CREG1: variants seen among roughly 807,000 people sequenced by gnomAD.
The protein encoded by CREG1 is cellular repressor of E1A stimulated genes 1.
Under a neutral mutation model 19.9 loss-of-function variants are expected in CREG1, and 20 were observed. The observed-to-expected ratio is 1.01, with a 90% confidence interval of 0.71 to 1.46. CREG1 has a LOEUF of 1.46. CREG1 is among the 40% of genes most tolerant of loss of function. The pLI, the probability that CREG1 is intolerant of heterozygous loss-of-function variation, is 0.00. For missense variants in CREG1, 290 were observed against 314.9 expected (o/e 0.92, Z 0.60); for synonymous variants, 141 against 143.3 (o/e 0.98, Z 0.12).
Position 167,553,380 on chromosome 1 carries a change from C to T in CREG1, c.354+8G>A. 1 of 1,384,218 alleles carries T rather than the reference C, an allele frequency of 7.2e-7. No homozygotes were observed. The highest frequency in any genetic ancestry group is 9.3e-7 in the Non-Finnish European group (1 of 1,069,950). The allele number at this position is 1,384,218 out of a possible 1,614,324, so 85.7% of individuals were successfully genotyped here. ...GCCCGCCTGGGGAAGCCGCGGGCCC[C>T]AGCTCACCTGCAGGTTGCTCACGGA... On this transcript the variant is annotated splice_region_variant and intron_variant, in intron 1 of 3. Transcript: ENST00000370509.
intron 3 of CREG1, among the ~76,000 whole-genome samples, chr1:167,543,930 C>T (rs1440622288): frequency 1.3e-5 from 2 of 152,232 alleles, no homozygotes; most frequent in African/African-American, 2.4e-5. Flanking sequence ...TATGGGAAAA[C>T]AGTTTTATTT....
At chr1:167,547,131 C>A (rs532347382) in intron 2 of CREG1, among the ~76,000 whole-genome samples, 3 of 152,308 alleles carry the variant, frequency 2.0e-5, no homozygotes, top group African/African-American at 7.2e-5. Flanking sequence ...ATGATTGACA[C>A]GGTCAAAAAG....
At chr1:167,549,574 T>C (rs967404831) in intron 1 of CREG1, among the ~76,000 whole-genome samples, 5 of 152,052 alleles carry the variant, frequency 3.3e-5, no homozygotes, top group Admixed American at 3.3e-4. Context: ...TAGTAGAGAC[T>C]GGGTTTCATC....
intron 2 of CREG1, 23 bp from the exon 3 acceptor site, chr1:167,546,308 A>G: frequency 6.8e-7 from 1 of 1,464,740 alleles, no homozygotes; most frequent in African/African-American, 1.4e-5. Context: ...TATGAAATAA[A>G]CATTCTTATG....
chr1:167,546,382 G>A (rs1031363274), intron 2 of CREG1, 97 bp from the exon 3 acceptor site: 20 of 809,328 alleles, frequency 2.5e-5, no homozygotes, highest in Non-Finnish European at 3.4e-5. Context: ...AGTGGTTCAC[G>A]CCTGTAATCC....
chr1:167,542,983 C>A (rs921058937), intron 3 of CREG1, among the ~76,000 whole-genome samples: 6 of 152,136 alleles, frequency 3.9e-5, no homozygotes, highest in Admixed American at 3.3e-4. Context: ...CGCGGTGGCT[C>A]ACACCTATAA....
At chr1:167,550,293 A>G (rs1340202216) in intron 1 of CREG1, among the ~76,000 whole-genome samples, 1 of 152,162 alleles carries the variant, frequency 6.6e-6, no homozygotes, top group Non-Finnish European at 1.5e-5. Flanking sequence ...CCGCCTCTAT[A>G]TGCATTTTAA....
intron 3 of CREG1, among the ~76,000 whole-genome samples, chr1:167,543,566 CAAG>C (rs927581901): frequency 1.3e-5 from 2 of 152,210 alleles, no homozygotes; most frequent in South Asian, 2.1e-4. Context: ...GGTGGTTCTC[CAAG>C]AAGATGGGGG....
chr1:167,546,232 A>G lies in CREG1; in HGVS notation c.528T>C (p.Pro176=). Residue 176 remains proline (P), a synonymous_variant, in exon 3 of 4, where the codon CCT becomes CCC. Coordinates refer to ENST00000370509, the MANE Select transcript of CREG1 (RefSeq NM_003851.3). ...GGCTGGAAGGCCAGGTTTTCATCTC[A>G]GGGTGTCGAATGAATAACGAATGCT... The part of the protein sequence containing the change: ...IAKHSLFIRH[P]EMKTWPSSHN... The G allele has an allele frequency of 6.2e-7, 1 of 1,611,954 alleles. No individual in the cohort carries two copies. The highest frequency in any genetic ancestry group is 1.1e-5 in the South Asian group (1 of 90,786).
In CREG1 at chr1:167,553,677, A is replaced by C. The variant is rs1656471462; in HGVS notation, c.65T>G (p.Leu22Trp). ...LLAALLASTL[L>W]ALLVSPARGR... Reference sequence around the variant, plus strand: ...CCGCGCGGGCGACACGAGCAGCGCCAACAGCGTCGACGCCAGCAGGGCGGC... The same window carrying C: ...CCGCGCGGGCGACACGAGCAGCGCCCACAGCGTCGACGCCAGCAGGGCGGC... Residue 22 changes from leucine (L) to tryptophan (W), a missense_variant, in exon 1 of 4, where the codon TTG becomes TGG. Leu to Trp is a moderately conservative substitution (Grantham distance 61). Coordinates refer to ENST00000370509, the MANE Select transcript of CREG1 (RefSeq NM_003851.3). 7.5e-7 allele frequency: 1 copy of C among 1,329,372 alleles called. No individual in the cohort carries two copies. Among genetic ancestry groups the C allele is most frequent in the Admixed American group, 3.9e-5 (1 of 25,452 alleles). 82.3% of individuals were successfully genotyped at this position (1,329,372 alleles called of 1,614,324 possible). A position where few individuals can be genotyped will look rare whatever the true frequency, so the allele number is the denominator to read the frequency against.
intron 2 of CREG1, among the ~76,000 whole-genome samples, chr1:167,546,573 C>T (rs1571625662): frequency 1.3e-5 from 2 of 151,758 alleles, no homozygotes; most frequent in South Asian, 2.1e-4. Context: ...ACCCGGGAGG[C>T]GGAGCTTGCG....
At chr1:167,550,031 C>G (rs1160036405) in intron 1 of CREG1, among the ~76,000 whole-genome samples, 1 of 152,108 alleles carries the variant, frequency 6.6e-6, no homozygotes, top group Non-Finnish European at 1.5e-5. Flanking sequence ...GCTCTGTCAC[C>G]CAGGCTGGAG....
intron 1 of CREG1, among the ~76,000 whole-genome samples, chr1:167,552,427 C>T (rs549952152): frequency 6.6e-6 from 1 of 152,346 alleles, no homozygotes; most frequent in South Asian, 2.1e-4. Flanking sequence ...GTGTCTCCGG[C>T]CTCCCAAGCT....
chr1:167,549,744 G>A (rs1297284842), intron 1 of CREG1, among the ~76,000 whole-genome samples: 26 of 151,926 alleles, frequency 1.7e-4, no homozygotes, highest in Admixed American at 1.6e-3. Context: ...CAGTGCAGTG[G>A]CACAATCATG....
intron 1 of CREG1, among the ~76,000 whole-genome samples, chr1:167,551,069 G>A (rs1337429583): frequency 3.3e-5 from 5 of 152,080 alleles, no homozygotes; most frequent in African/African-American, 9.7e-5. Flanking sequence ...AGCCAAACAC[G>A]GTCCCACTAT....
intron 3 of CREG1, among the ~76,000 whole-genome samples, chr1:167,545,761 G>A (rs761441314): frequency 4.0e-5 from 6 of 151,812 alleles, no homozygotes; most frequent in Non-Finnish European, 8.8e-5. Context: ...AGCTGAGATG[G>A]TGCCACTGCA....
rs1168852899 is a variant in CREG1, at chr1:167,553,465, C to A, written c.277G>T (p.Asp93Tyr). 2.7e-6 allele frequency: 4 copies of A among 1,483,456 alleles called. No homozygotes were observed. Among genetic ancestry groups the A allele is most frequent in the Admixed American group, 2.3e-5 (1 of 43,988 alleles). The allele number at this position is 1,483,456 out of a possible 1,614,324, so 91.9% of individuals were successfully genotyped here. A position where few individuals can be genotyped will look rare whatever the true frequency, so the allele number is the denominator to read the frequency against. ...RPFADVLSLS[D>Y]GPPGAGSGVP... ...CCGCTGCCCGCGCCCGGGGGCCCGTCGCTGAGCGAGAGGACGTCGGCGAAG... is the reference window on the plus strand; with the variant it reads ...CCGCTGCCCGCGCCCGGGGGCCCGTAGCTGAGCGAGAGGACGTCGGCGAAG... The change falls in exon 1 of 4, where the codon GAC (aspartate) becomes TAC (tyrosine). Residue 93 changes from aspartate to tyrosine, a missense_variant. By Grantham distance (160) the Asp-to-Tyr change is radical. Coordinates refer to ENST00000370509, the MANE Select transcript of CREG1 (RefSeq NM_003851.3).
chr1:167,547,427 ATAACTT>A (rs1396385500), intron 2 of CREG1, among the ~76,000 whole-genome samples: 31 of 152,244 alleles, frequency 2.0e-4, no homozygotes, highest in Admixed American at 1.4e-3. Flanking sequence ...TTTAGTAAGA[ATAACTT>A]TATATACAGG....
rs1656238504 is a variant in CREG1, at chr1:167,542,178, A to G, written c.*120T>C. On this transcript the variant is annotated 3_prime_UTR_variant, in exon 4 of 4. Transcript: ENST00000370509. ...TAAACAAGCAAGCAAACAAACCAGC[A>G]TGTGACAGAAAACTGGCTAATATTC... The G allele has an allele frequency of 3.7e-6, 3 of 819,258 alleles. No homozygotes were observed. The South Asian group carries it at 6.8e-5, about 19-fold the overall frequency. 50.7% of individuals were successfully genotyped at this position (819,258 alleles called of 1,614,324 possible).
Sources: allele counts gnomAD v4.1 joint callset (sites outside exome capture counted in the v4.1 genomes callset), GRCh38; gene constraint gnomAD v4.1.1; transcripts MANE v1.5; gene names NCBI Gene and HGNC (gene_info 2026-07-23, HGNC 2026-07-21).